Variants in SLC12A3 observed in about 807,000 individuals in gnomAD.
SLC12A3 encodes the protein solute carrier family 12 member 3, also known as Na-Cl cotransporter.
SLC12A3 carries 104 observed loss-of-function variants against 121.0 expected under a neutral mutation model. The observed-to-expected ratio is 0.86, with a 90% confidence interval of 0.73 to 1.01. The LOEUF (loss-of-function observed/expected upper bound fraction) is 1.01. Among genes scored for constraint, SLC12A3 ranks in the 50% least tolerant of loss-of-function variants. The pLI, the probability that SLC12A3 is intolerant of heterozygous loss-of-function variation, is 0.00. For synonymous variants in SLC12A3, 536 were observed against 533.4 expected, an observed-to-expected ratio of 1.00 and a Z score of -0.07; for missense variants, 1,328 against 1,356.3, an observed-to-expected ratio of 0.98 and a Z score of 0.33.
rs186979818 is a variant in SLC12A3, at chr16:56,904,441, G to A, written c.2903G>A (p.Arg968Gln). The change falls in exon 25 of 26, where the codon CGA becomes CAA. Residue 968 changes from arginine (R) to glutamine (Q), a missense_variant. Transcript: ENST00000563236. ...RLNEIVLDYSRDAALIVITLP... is the reference protein window; with the variant it reads ...RLNEIVLDYSQDAALIVITLP... Reference sequence around the variant, plus strand: ...AATGAGATTGTGCTGGATTACTCCCGAGACGCTGCTCTCATCGTCATGTAA... The same window carrying A: ...AATGAGATTGTGCTGGATTACTCCCAAGACGCTGCTCTCATCGTCATGTAA... 144 of 1,613,890 alleles carry A rather than the reference G, an allele frequency of 8.9e-5. No individual in the cohort carries two copies. The highest frequency in any genetic ancestry group is 1.0e-4 in the Admixed American group (6 of 60,024).
intron 1 of SLC12A3, among the ~76,000 whole-genome samples, chr16:56,866,192 G>A (rs1476169281): frequency 6.6e-6 from 1 of 152,004 alleles, no homozygotes; most frequent in Non-Finnish European, 1.5e-5. Context: ...TGCCATATTG[G>A]CCAGGCTGGT....
chr16:56,895,413 CG>C (rs1450616541), intron 22 of SLC12A3, among the ~76,000 whole-genome samples: 1 of 150,646 alleles, frequency 6.6e-6, no homozygotes, highest in African/African-American at 2.4e-5. Context: ...AGGCTGGTCT[CG>C]AACTCCTGAC....
At chr16:56,875,031 A>G (rs1291764127) in intron 8 of SLC12A3, among the ~76,000 whole-genome samples, 3 of 152,128 alleles carry the variant, frequency 2.0e-5, no homozygotes, top group African/African-American at 4.8e-5. Context: ...CCTGGATTCC[A>G]TGCAGTCTCA....
chr16:56,894,393 G>T, intron 21 of SLC12A3, 138 bp from the exon 22 acceptor site: 1 of 700,778 alleles, frequency 1.4e-6, no homozygotes, highest in African/African-American at 1.7e-5. Flanking sequence ...AGTCAGCCAT[G>T]TTCATTATAC....
intron 8 of SLC12A3, among the ~76,000 whole-genome samples, chr16:56,876,501 G>A (rs751653260): frequency 1.4e-4 from 21 of 152,198 alleles, no homozygotes; most frequent in Non-Finnish European, 2.8e-4. Context: ...CTGGGGTGGA[G>A]ACTCCACCCA....
rs145371129 is a variant in SLC12A3 at position 56,889,516 on chromosome 16, G to A, written c.2286-758G>A. The stretch of plus-strand genomic sequence containing the variant: ...TTTTGAGACAGAGTCTTGTTCTGTC[G>A]CCCCGGCTGGAGTGCAATGGTGCGA... On this transcript the variant is annotated intron_variant, in intron 18 of 25. Transcript: ENST00000563236. 5.4e-3 allele frequency among the ~76,000 whole-genome samples: 821 copies of A among 152,020 alleles called. 10 individuals carry two copies. The highest frequency in any genetic ancestry group is 0.019 in the African/African-American group (773 of 41,420).
In SLC12A3 at chr16:56,888,047, G is replaced by C. The variant is rs766855372; in HGVS notation, c.2285+16G>C. 6.3e-7 allele frequency: 1 copy of C among 1,581,184 alleles called. No homozygotes were observed. The highest frequency in any genetic ancestry group is 8.7e-7 in the Non-Finnish European group (1 of 1,151,436). On this transcript the variant is annotated intron_variant, in intron 18 of 25. Transcript: ENST00000563236. ...GCATCCTCCAGTGAGTCGGGGGAGAGGAAGGGGCTTGGGGTCTGTTAATTT... is the reference window on the plus strand; with the variant it reads ...GCATCCTCCAGTGAGTCGGGGGAGACGAAGGGGCTTGGGGTCTGTTAATTT...
intron 23 of SLC12A3, among the ~76,000 whole-genome samples, chr16:56,900,195 TC>T (rs2055519292): frequency 6.6e-6 from 1 of 151,930 alleles, no homozygotes. Flanking sequence ...GGGAAGGAAA[TC>T]AAGACAAGCA....
intron 22 of SLC12A3, among the ~76,000 whole-genome samples, chr16:56,897,653 C>T (rs7188963): frequency 0.26 from 39,143 of 152,100 alleles, 5,520 homozygotes; most frequent in African/African-American, 0.39. Flanking sequence ...AGTCTCTGCT[C>T]CCTGTCCTGG....
At chr16:56,877,845 C>G (rs1410168010) in intron 8 of SLC12A3, among the ~76,000 whole-genome samples, 1 of 152,332 alleles carries the variant, frequency 6.6e-6, no homozygotes, top group Non-Finnish European at 1.5e-5. Flanking sequence ...GTCTCCGACC[C>G]GTGATCTTGG....
intron 25 of SLC12A3, among the ~76,000 whole-genome samples, chr16:56,905,333 C>T (rs1489351378): frequency 7.5e-5 from 9 of 119,650 alleles, no homozygotes; most frequent in African/African-American, 2.4e-4. Flanking sequence ...AGCGAAACTC[C>T]GTCTCAAAAA....
chr16:56,874,055 C>G (rs1452631145), intron 8 of SLC12A3, among the ~76,000 whole-genome samples: 3 of 152,194 alleles, frequency 2.0e-5, no homozygotes, highest in Non-Finnish European at 4.4e-5. Flanking sequence ...TCTCTCCCAG[C>G]CCTTCCATCA....
chr16:56,873,880 T>G (rs1223046603), intron 8 of SLC12A3, among the ~76,000 whole-genome samples: 3 of 151,284 alleles, frequency 2.0e-5, no homozygotes, highest in Admixed American at 6.6e-5. Context: ...CCTAACTAAT[T>G]TTTGTATTTT....
At chr16:56,882,552 T>C in intron 13 of SLC12A3, 55 bp downstream of exon 13, 3 of 1,365,166 alleles carry the variant, frequency 2.2e-6, no homozygotes, top group Non-Finnish European at 3.1e-6. Context: ...CAGGAGGAAC[T>C]GGGGCATGGG....
In SLC12A3 at chr16:56,870,720, T is replaced by G. The variant is rs1289282653; in HGVS notation, c.836T>G (p.Met279Arg). The G allele has an allele frequency of 6.2e-7, 1 of 1,610,896 alleles. No individual in the cohort carries two copies. Among genetic ancestry groups the G allele is most frequent in the East Asian group, 2.2e-5 (1 of 44,872 alleles). ...TVLLAISLAG[M>R]EWESKAQVLF... ...CTGCTGGCCATCTCCCTGGCTGGCA[T>G]GGAGTGGGAGTCCAAGGTGAGGAGG... Residue 279 changes from methionine (M) to arginine (R), a missense_variant, in exon 6 of 26, where the codon ATG becomes AGG. Transcript: ENST00000563236.
intron 1 of SLC12A3, 47 bp downstream of exon 1, chr16:56,865,564 C>T (rs370715978): frequency 1.9e-5 from 30 of 1,587,650 alleles, no homozygotes; most frequent in African/African-American, 4.0e-5. Flanking sequence ...TGTGTGACCT[C>T]GACCCAGCTA....
intron 5 of SLC12A3, 56 bp from the exon 6 acceptor site, chr16:56,870,570 T>G: frequency 8.4e-7 from 1 of 1,193,840 alleles, no homozygotes; most frequent in Non-Finnish European, 1.3e-6. Flanking sequence ...GGGCAGAGTC[T>G]GGGGGATGGG....
intron 22 of SLC12A3, among the ~76,000 whole-genome samples, chr16:56,895,255 A>C (rs2055446892): frequency 7.0e-6 from 1 of 142,640 alleles, no homozygotes; most frequent in African/African-American, 2.7e-5. Context: ...GCAGTGACGC[A>C]ATCTCGGCTC....
In SLC12A3 at chr16:56,882,427, C is replaced by T; in HGVS notation, c.1599C>T (p.Ser533=). The T allele has an allele frequency of 6.2e-7, 1 of 1,614,116 alleles. No homozygotes were observed. Among genetic ancestry groups the T allele is most frequent in the Non-Finnish European group, 8.5e-7 (1 of 1,179,990 alleles). ...TCAACACCATAGCCCCCATCATTTCCAACTTCTTCCTCTGCTCCTATGCCC... is the reference window on the plus strand; with the variant it reads ...TCAACACCATAGCCCCCATCATTTCTAACTTCTTCCTCTGCTCCTATGCCC... ...AELNTIAPII[S]NFFLCSYALI... The change falls in exon 13 of 26, where the codon TCC becomes TCT. Residue 533 remains serine, a synonymous_variant. Transcript: ENST00000563236.
Sources: gnomAD v4.1 joint callset for allele counts (sites outside exome capture counted in the v4.1 genomes callset) on GRCh38, gnomAD v4.1.1 for gene constraint, MANE v1.5 for transcripts, NCBI Gene and HGNC (gene_info 2026-07-23, HGNC 2026-07-21) for gene names.